The following MYBPC1 variants were observed in gnomAD, a reference collection of about 807,000 sequenced individuals.
MYBPC1 encodes the protein myosin-binding protein C, slow-type.
In MYBPC1, 52 loss-of-function variants were observed where a neutral mutation model predicts 147.1. The observed-to-expected ratio is 0.35, with a 90% CI of 0.28 to 0.45. The LOEUF (loss-of-function observed/expected upper bound fraction) is 0.45, where lower values mean the gene tolerates loss of function less well. MYBPC1 is among the 20% of genes least tolerant of loss of function. The probability of loss-of-function intolerance (pLI) is 1.00; values close to 1 mark genes in which losing one functional copy is unlikely to be tolerated. For missense variants in MYBPC1, 1,228 were observed against 1,440.3 expected (o/e 0.85, Z 2.39); for synonymous variants, 477 against 475.9 (o/e 1.00, Z -0.03).
At chr12:101,680,229 A>C in intron 28 of MYBPC1, 114 bp from the exon 29 acceptor site, 1 of 999,628 alleles carries the variant, frequency 1.0e-6, no homozygotes, top group Non-Finnish European at 1.5e-6. Context: ...TATCCTTCTC[A>C]GATGCACTTT....
chr12:101,663,706 T>A (rs2136496556), intron 22 of MYBPC1, 146 bp downstream of exon 22: 1 of 963,222 alleles, frequency 1.0e-6, no homozygotes, highest in Non-Finnish European at 1.6e-6. Context: ...GAGATGTATA[T>A]AAACTAAGCC....
chr12:101,654,757 T>C (rs1593929151), intron 18 of MYBPC1, among the ~76,000 whole-genome samples: 1 of 152,168 alleles, frequency 6.6e-6, no homozygotes, highest in African/African-American at 2.4e-5. Flanking sequence ...TAGTAGTGCC[T>C]GTTCCCCCTA....
intron 1 of MYBPC1, among the ~76,000 whole-genome samples, chr12:101,601,674 C>A (rs914308958): frequency 1.4e-4 from 21 of 152,188 alleles, no homozygotes; most frequent in Admixed American, 6.5e-5. Context: ...AGGGCAGCGT[C>A]TAAAATTACA....
At chr12:101,652,482 G>T (rs768235932) in intron 16 of MYBPC1, among the ~76,000 whole-genome samples, 196 bp from the exon 17 acceptor site, 2 of 151,902 alleles carry the variant, frequency 1.3e-5, no homozygotes, top group Non-Finnish European at 2.9e-5. Context: ...CCAAAATAAA[G>T]ATTTAATTTG....
intron 10 of MYBPC1, 101 bp from the exon 11 acceptor site, chr12:101,642,318 C>CT (rs1332928690): frequency 3.1e-6 from 4 of 1,289,888 alleles, no homozygotes; most frequent in Non-Finnish European, 3.3e-6. Context: ...TTAAACAGAG[C>CT]TTTTTTACAC....
At chr12:101,692,554 G>A in the MYBPC1 span, among the ~76,000 whole-genome samples, 2 of 152,128 alleles carry the variant, frequency 1.3e-5, no homozygotes, top group African/African-American at 4.8e-5. Flanking sequence ...CCATAAAATG[G>A]GGATAACAAT....
chr12:101,606,496 G>A (rs1384702966), intron 1 of MYBPC1, among the ~76,000 whole-genome samples: 2 of 147,590 alleles, frequency 1.4e-5, no homozygotes, highest in African/African-American at 2.6e-5. Flanking sequence ...TAGAGACAGG[G>A]TCTCACTACA....
rs1227448636 is a variant in MYBPC1 at position 101,653,260 on chromosome 12, G to GCTTGCA, written c.1767+14_1767+19dup. 1 of 1,613,184 alleles carries GCTTGCA rather than the reference G, an allele frequency of 6.2e-7. No individual in the cohort carries two copies. The stretch of plus-strand genomic sequence containing the variant: ...GCCGGGGAGATAAGGTTTGTTTTAT[G>GCTTGCA]CTTGCACACACTCACATGCACACAC... On this transcript the variant is annotated intron_variant, in intron 18 of 31. Coordinates refer to ENST00000361466, the MANE Select transcript of MYBPC1 (RefSeq NM_002465.4).
At chr12:101,666,616 T>A in intron 22 of MYBPC1, 1 of 946,912 alleles carries the variant, frequency 1.1e-6, no homozygotes. Context: ...CTTCCGTCAC[T>A]GCTCTGAGGA....
rs569868452 is a variant in MYBPC1, at chr12:101,621,877, G to A, written c.103+4634G>A. 3.9e-5 allele frequency among the ~76,000 whole-genome samples: 6 copies of A among 152,202 alleles called. No homozygotes were observed. The East Asian group carries it at 1.2e-3, about 29-fold the overall frequency. ...TGTACTCCCCTAAAACCCCAGGCTTGTAATATAAGACTGGGTTCTTTCCCT... is the reference window on the plus strand; with the variant it reads ...TGTACTCCCCTAAAACCCCAGGCTTATAATATAAGACTGGGTTCTTTCCCT... On this transcript the variant is annotated intron_variant, in intron 3 of 31. Coordinates refer to ENST00000361466, the MANE Select transcript of MYBPC1 (RefSeq NM_002465.4).
chr12:101,627,835 C>T (rs1439822051), intron 5 of MYBPC1, 31 bp downstream of exon 5: 1 of 1,601,304 alleles, frequency 6.2e-7, no homozygotes, highest in Non-Finnish European at 8.6e-7. Flanking sequence ...GGCATCCTGA[C>T]CTCATCCTAA....
In MYBPC1 at chr12:101,632,090, A is replaced by G. The variant is rs1890019113; in HGVS notation, c.508A>G (p.Thr170Ala). 4 of 1,614,154 alleles carry G rather than the reference A, an allele frequency of 2.5e-6. No homozygotes were observed. Among genetic ancestry groups the G allele is most frequent in the Non-Finnish European group, 3.4e-6 (4 of 1,179,954 alleles). ...TGCAGGAAATTACAGATGCGAGGTC[A>G]CCTATAAGGATAAGTTTGACAGCTG... ...NFAGNYRCEVTYKDKFDSCSF... is the reference protein window; with the variant it reads ...NFAGNYRCEVAYKDKFDSCSF... Residue 170 changes from threonine to alanine, a missense_variant, in exon 8 of 32, where the codon ACC becomes GCC. Coordinates refer to ENST00000361466, the MANE Select transcript of MYBPC1 (RefSeq NM_002465.4).
At chr12:101,667,016 A>G (rs1233403648) in intron 22 of MYBPC1, among the ~76,000 whole-genome samples, 2 of 152,070 alleles carry the variant, frequency 1.3e-5, no homozygotes, top group Non-Finnish European at 2.9e-5. Context: ...TCTGTGGGCA[A>G]AATGCATACT....
chr12:101,682,683 A>T, intron 30 of MYBPC1, 21 bp downstream of exon 30: 1 of 1,593,086 alleles, frequency 6.3e-7, no homozygotes. Context: ...TTTATATCCC[A>T]CTGGATATTC....
intron 1 of MYBPC1, among the ~76,000 whole-genome samples, chr12:101,606,159 C>G (rs564465045): frequency 1.3e-5 from 2 of 151,856 alleles, no homozygotes; most frequent in African/African-American, 2.4e-5. Flanking sequence ...CGCCACTGCA[C>G]TCCAGCCTGG....
At chr12:101,614,613 C>T (rs1885391758) in intron 2 of MYBPC1, 82 bp downstream of exon 2, 3 of 1,377,956 alleles carry the variant, frequency 2.2e-6, no homozygotes, top group African/African-American at 2.9e-5. Flanking sequence ...TCCACGGGTG[C>T]TGTGAGCTGT....
At position 101,659,742 on chromosome 12, in the gene MYBPC1, T is replaced by C. The variant is rs749351703; in HGVS notation, c.1838T>C (p.Ile613Thr). 3.7e-6 allele frequency: 6 copies of C among 1,614,000 alleles called. No homozygotes were observed. Among genetic ancestry groups the C allele is most frequent in the African/African-American group, 1.3e-5 (1 of 74,922 alleles). The change falls in exon 19 of 32, where the codon ATA (isoleucine) becomes ACA (threonine). Residue 613 changes from isoleucine (I) to threonine (T), a missense_variant. By Grantham distance (89) the Ile-to-Thr change is moderately conservative. Coordinates refer to ENST00000361466, the MANE Select transcript of MYBPC1 (RefSeq NM_002465.4). ...GATAGCAGCACTCTGGTCATTGATA[T>C]AGCTGAAAGAGATGACTCTGGTGTT... ...YPDSSTLVID[I>T]AERDDSGVYH...
chr12:101,680,220 A>G lies in MYBPC1; in HGVS notation c.3247-123A>G, dbSNP rs1483443460. 9.6e-6 allele frequency: 9 copies of G among 938,928 alleles called. No homozygotes were observed. In the South Asian group the frequency reaches 9.9e-5, roughly 10 times the overall value. 58.2% of individuals were successfully genotyped at this position (938,928 alleles called of 1,614,324 possible). ...GAGAAATAGTGTCAAGTAAAAGTCT[A>G]TCCTTCTCAGATGCACTTTCTTTTT... On this transcript the variant is annotated intron_variant, in intron 28 of 31. Transcript: ENST00000361466.
intron 30 of MYBPC1, among the ~76,000 whole-genome samples, chr12:101,683,807 C>T (rs1951179281): frequency 6.6e-6 from 1 of 151,964 alleles, no homozygotes; most frequent in Admixed American, 6.6e-5. Flanking sequence ...AAGTAAGGTT[C>T]TTTTTTGAAA....
Sources: gnomAD v4.1 joint callset for allele counts (sites outside exome capture counted in the v4.1 genomes callset) on GRCh38, gnomAD v4.1.1 for gene constraint, MANE v1.5 for transcripts, NCBI Gene and HGNC (gene_info 2026-07-23, HGNC 2026-07-21) for gene names.